Variants in SNX27 observed in about 807,000 individuals in gnomAD.
SNX27 encodes the protein sorting nexin-27.
SNX27 carries 22 observed loss-of-function variants against 71.6 expected under a neutral mutation model. The observed-to-expected ratio is 0.31, with a 90% CI of 0.22 to 0.44. The LOEUF (loss-of-function observed/expected upper bound fraction) is 0.44. SNX27 is among the 20% of genes least tolerant of loss of function. SNX27 has a pLI of 1.00. For missense variants in SNX27, 531 were observed against 698.6 expected (o/e 0.76, Z 2.70); for synonymous variants, 269 against 277.2 (o/e 0.97, Z 0.29).
At chr1:151,637,752 C>T (rs1290704118) in intron 1 of SNX27, among the ~76,000 whole-genome samples, 1 of 152,126 alleles carries the variant, frequency 6.6e-6, no homozygotes, top group Non-Finnish European at 1.5e-5. Context: ...CAGACTCTGA[C>T]AGAGACAATT....
chr1:151,668,704 A>G, intron 7 of SNX27, 69 bp downstream of exon 7: 1 of 1,450,154 alleles, frequency 6.9e-7, no homozygotes, highest in African/African-American at 1.4e-5. Flanking sequence ...TACTTTGCCA[A>G]TTCCCTGTAA....
chr1:151,697,654 C>T lies in SNX27; in HGVS notation c.*3237C>T, dbSNP rs537478068. The T allele has an allele frequency of 2.0e-5, 3 of 152,982 alleles. No individual in the cohort carries two copies. In the East Asian group the frequency reaches 5.8e-4, roughly 29 times the overall value. 9.5% of individuals were successfully genotyped at this position (152,982 alleles called of 1,614,324 possible). On this transcript the variant is annotated 3_prime_UTR_variant, in exon 12 of 12. Coordinates refer to ENST00000458013, the MANE Select transcript of SNX27 (RefSeq NM_001330723.2). ...GCTGCGTGGATCCCATAGGATCAAGCCCTTCTTTGCATGAAGCAGTGTTGT... is the reference window on the plus strand; with the variant it reads ...GCTGCGTGGATCCCATAGGATCAAGTCCTTCTTTGCATGAAGCAGTGTTGT...
intron 7 of SNX27, among the ~76,000 whole-genome samples, chr1:151,682,373 G>A (rs371751298): frequency 4.6e-5 from 7 of 152,184 alleles, no homozygotes; most frequent in Non-Finnish European, 8.8e-5. Context: ...CTGGGCTGGA[G>A]TGCAGTGGCA....
At chr1:151,632,894 C>T (rs1031272578) in intron 1 of SNX27, among the ~76,000 whole-genome samples, 1 of 151,302 alleles carries the variant, frequency 6.6e-6, no homozygotes, top group African/African-American at 2.4e-5. Context: ...TTTTTTGAGA[C>T]GGAGTCTGGC....
chr1:151,674,739 G>T (rs966344336), intron 7 of SNX27, among the ~76,000 whole-genome samples: 1 of 151,754 alleles, frequency 6.6e-6, no homozygotes. Context: ...CAGGCTAGAG[G>T]GCAATGGCGC....
intron 1 of SNX27, chr1:151,615,592 C>A: frequency 1.8e-6 from 1 of 543,826 alleles, no homozygotes; most frequent in Non-Finnish European, 2.3e-6. Context: ...CCCAGGAAAG[C>A]TTTGCATGTT....
At chr1:151,619,590 C>G (rs143761865) in intron 1 of SNX27, among the ~76,000 whole-genome samples, 1 of 152,064 alleles carries the variant, frequency 6.6e-6, no homozygotes, top group African/African-American at 2.4e-5. Context: ...TGTGAGCCAC[C>G]GTGCCGGGCC....
At chr1:151,638,093 T>C (rs958816113) in intron 1 of SNX27, among the ~76,000 whole-genome samples, 1 of 152,224 alleles carries the variant, frequency 6.6e-6, no homozygotes, top group African/African-American at 2.4e-5. Flanking sequence ...CCTTGTACTT[T>C]GTTTGCCTTA....
chr1:151,653,847 T>TC, intron 2 of SNX27, among the ~76,000 whole-genome samples: 1 of 150,490 alleles, frequency 6.6e-6, no homozygotes, highest in Non-Finnish European at 1.5e-5. Context: ...TTTTTTTTTT[T>TC]TTTTGAGATG....
intron 2 of SNX27, among the ~76,000 whole-genome samples, chr1:151,646,912 C>T (rs1291634379): frequency 1.4e-5 from 2 of 143,322 alleles, no homozygotes; most frequent in South Asian, 4.3e-4. Flanking sequence ...CAAACAAACA[C>T]ACACTATATA....
rs566257954 is a variant in SNX27, at chr1:151,639,209, G to C, written c.543+90G>C. 14 of 1,157,056 alleles carry C rather than the reference G, an allele frequency of 1.2e-5. No homozygotes were observed. In the African/African-American group the frequency reaches 1.4e-4, roughly 11 times the overall value. 71.7% of individuals were successfully genotyped at this position (1,157,056 alleles called of 1,614,324 possible). ...AAACTATTATAGTGGTAGATAAAAGGCTGCAACCTAGGTCAGTTTGTCTAC... is the reference window on the plus strand; with the variant it reads ...AAACTATTATAGTGGTAGATAAAAGCCTGCAACCTAGGTCAGTTTGTCTAC... On this transcript the variant is annotated intron_variant, in intron 2 of 11. Coordinates refer to ENST00000458013, the MANE Select transcript of SNX27 (RefSeq NM_001330723.2).
intron 7 of SNX27, among the ~76,000 whole-genome samples, chr1:151,682,108 A>G (rs908456002): frequency 2.6e-5 from 4 of 152,228 alleles, no homozygotes; most frequent in African/African-American, 9.6e-5. Flanking sequence ...TTGTTTACAC[A>G]TGTATAAAAT....
chr1:151,612,275 G>A lies in SNX27; in HGVS notation c.74G>A (p.Gly25Glu), dbSNP rs571268932. The A allele has an allele frequency of 3.4e-6, 5 of 1,481,758 alleles. No individual in the cohort carries two copies. Among genetic ancestry groups the A allele is most frequent in the Middle Eastern group, 1.8e-4 (1 of 5,658 alleles). The allele number at this position is 1,481,758 out of a possible 1,614,324, so 91.8% of individuals were successfully genotyped here. The change falls in exon 1 of 12, where the codon GGG becomes GAG. Residue 25 changes from glycine to glutamate, a missense_variant. Physicochemically the swap from Gly to Glu is moderately conservative, Grantham distance 98. This residue lies in a region of SNX27 where 130 missense variants were observed against 143.5 expected (regional missense o/e 0.91). Coordinates refer to ENST00000458013, the MANE Select transcript of SNX27 (RefSeq NM_001330723.2). The surrounding 1 kb of genome is among the most constrained non-coding windows in gnomAD (Gnocchi z 5.2). ...AACGGAGGTGGCGGCGGCGGCGGGG[G>A]GTCTGGGCTCCACTGCGCCGGGAAC... ...HRNGGGGGGGGSGLHCAGNGG... is the reference protein window; with the variant it reads ...HRNGGGGGGGESGLHCAGNGG...
chr1:151,660,747 A>C, intron 3 of SNX27, 51 bp from the exon 4 acceptor site: 1 of 1,358,560 alleles, frequency 7.4e-7, no homozygotes, highest in Non-Finnish European at 1.1e-6. Context: ...CTTTGACTTT[A>C]TATTCTTGAT....
At position 151,685,190 on chromosome 1, in the gene SNX27, T is replaced by A. The variant is rs115022961; in HGVS notation, c.1239+1745T>A. Among the ~76,000 whole-genome samples, 852 of 152,230 alleles carry A rather than the reference T, an allele frequency of 5.6e-3. 7 individuals carry two copies. The highest frequency in any genetic ancestry group is 0.02 in the African/African-American group (817 of 41,542). On this transcript the variant is annotated intron_variant, in intron 8 of 11. Coordinates refer to ENST00000458013, the MANE Select transcript of SNX27 (RefSeq NM_001330723.2). The stretch of plus-strand genomic sequence containing the variant: ...AGTTAAAAAAAAAATTGAAGTACAA[T>A]GTCTACTGCACACACATTGTTTTCA...
intron 8 of SNX27, among the ~76,000 whole-genome samples, chr1:151,685,869 T>A (rs567895034): frequency 6.6e-6 from 1 of 152,316 alleles, no homozygotes; most frequent in Non-Finnish European, 1.5e-5. Context: ...CAGGCTGACA[T>A]AGAAAATGCA....
intron 2 of SNX27, among the ~76,000 whole-genome samples, chr1:151,657,852 T>C (rs1179845438): frequency 6.6e-6 from 1 of 152,002 alleles, no homozygotes; most frequent in Non-Finnish European, 1.5e-5. Context: ...AATACAAAAA[T>C]TAGCCAGGTA....
intron 2 of SNX27, among the ~76,000 whole-genome samples, chr1:151,641,160 G>A (rs562265169): frequency 2.0e-4 from 31 of 152,280 alleles, no homozygotes; most frequent in African/African-American, 7.2e-4. Flanking sequence ...AAGCTGCCAT[G>A]AAATAATATT....
intron 2 of SNX27, among the ~76,000 whole-genome samples, chr1:151,656,207 G>A (rs979216765): frequency 1.5e-5 from 2 of 130,072 alleles, no homozygotes; most frequent in African/African-American, 2.9e-5. Context: ...CTGGGTGACA[G>A]AGCGAGACTC....
Sources: gnomAD v4.1 joint callset for allele counts (sites outside exome capture counted in the v4.1 genomes callset) on GRCh38, gnomAD v4.1.1 for gene constraint, gnomAD v4.1.1 regional missense constraint, Gnocchi (gnomAD v3.1) non-coding constraint, MANE v1.5 for transcripts, NCBI Gene and HGNC (gene_info 2026-07-23, HGNC 2026-07-21) for gene names.